Variants in ASB14 observed in about 807,000 individuals in gnomAD.
The protein encoded by ASB14 is ankyrin repeat and SOCS box protein 14.
ASB14 carries 63 observed loss-of-function variants against 55.6 expected under a neutral mutation model. The observed-to-expected ratio is 1.13, with a 90% confidence interval of 0.92 to 1.40. The LOEUF (loss-of-function observed/expected upper bound fraction) is 1.40. Ranked by LOEUF, ASB14 falls within the 40% of genes most tolerant of loss-of-function variation. The pLI is 0.00. For missense variants in ASB14, 724 were observed against 710.4 expected (o/e 1.02, Z -0.22); for synonymous variants, 256 against 259.9 (o/e 0.98, Z 0.15).
intron 10 of ASB14, 49 bp downstream of exon 10, chr3:57,276,479 T>C (rs900245530): frequency 2.9e-6 from 4 of 1,380,336 alleles, no homozygotes; most frequent in East Asian, 2.3e-5. Context: ...GCAAAAAATA[T>C]GAATCATACA....
chr3:57,290,119 T>C (rs1411986545), intron 2 of ASB14, among the ~76,000 whole-genome samples: 1 of 152,240 alleles, frequency 6.6e-6, no homozygotes, highest in Non-Finnish European at 1.5e-5. Flanking sequence ...ACCACACACT[T>C]AGTGGCTTAA....
chr3:57,276,767 CT>C (rs769507211), intron 9 of ASB14, 39 bp from the exon 10 acceptor site: 388 of 1,544,514 alleles, frequency 2.5e-4, no homozygotes, highest in Admixed American at 6.1e-4. Context: ...AGAAAAAGAA[CT>C]TTTTTTTTAG....
intron 5 of ASB14, among the ~76,000 whole-genome samples, chr3:57,284,090 G>GTA (rs2061060628): frequency 9.3e-6 from 1 of 107,938 alleles, no homozygotes; most frequent in Non-Finnish European, 2.0e-5. Flanking sequence ...TGGGAACACT[G>GTA]TGTATGTGTG....
At chr3:57,274,686 C>T (rs1266386709) in intron 10 of ASB14, among the ~76,000 whole-genome samples, 1 of 152,028 alleles carries the variant, frequency 6.6e-6, no homozygotes, top group Admixed American at 6.6e-5. Flanking sequence ...GACTCCATCT[C>T]AGAAAAAGGA....
intron 3 of ASB14, among the ~76,000 whole-genome samples, chr3:57,288,611 C>G (rs1334532586): frequency 6.6e-6 from 1 of 151,884 alleles, no homozygotes; most frequent in Non-Finnish European, 1.5e-5. Flanking sequence ...AGCTGTGGAC[C>G]CCTGTAGTGT....
chr3:57,281,628 G>T (rs2061041371), intron 6 of ASB14, among the ~76,000 whole-genome samples: 1 of 152,078 alleles, frequency 6.6e-6, no homozygotes, highest in South Asian at 2.1e-4. Flanking sequence ...ACTATGTGCT[G>T]GTTCCATTAT....
At chr3:57,285,223 G>A (rs2061072304) in intron 5 of ASB14, among the ~76,000 whole-genome samples, 1 of 152,062 alleles carries the variant, frequency 6.6e-6, no homozygotes, top group Admixed American at 6.5e-5. Context: ...TTACAGGTGT[G>A]AACTACCGTG....
intron 9 of ASB14, among the ~76,000 whole-genome samples, chr3:57,277,252 G>GTC (rs71088048): frequency 7.4e-6 from 1 of 135,354 alleles, no homozygotes; most frequent in Non-Finnish European, 1.5e-5. Context: ...GGTTGACACA[G>GTC]ACTCTGTCTC....
Position 57,291,945 on chromosome 3 carries a change from G to C in ASB14, c.89C>G (p.Pro30Arg), listed in dbSNP as rs1281870053. The part of the protein sequence containing the change: ...IQQSLQDIYK[P>R]GTAQHAPKDE... ...CTTAGGTGCATGTTGTGCTGTTCCTGGCTTATAAATATCCTGCAAACTCTG... is the reference window on the plus strand; with the variant it reads ...CTTAGGTGCATGTTGTGCTGTTCCTCGCTTATAAATATCCTGCAAACTCTG... The change falls in exon 2 of 11, where the codon CCA (proline) becomes CGA (arginine). Residue 30 changes from proline (P) to arginine (R), a missense_variant. Coordinates refer to ENST00000487349, the MANE Select transcript of ASB14 (RefSeq NM_001142733.3). The C allele has an allele frequency of 6.5e-7, 1 of 1,536,530 alleles. No individual in the cohort carries two copies. The highest frequency in any genetic ancestry group is 1.2e-5 in the South Asian group (1 of 84,024).
chr3:57,291,709 A>G (rs923646132), intron 2 of ASB14, among the ~76,000 whole-genome samples: 1 of 152,150 alleles, frequency 6.6e-6, no homozygotes, highest in African/African-American at 2.4e-5. Flanking sequence ...CCTCCTTCAG[A>G]TATTTTTATT....
At chr3:57,291,030 C>T (rs1177847293) in intron 2 of ASB14, among the ~76,000 whole-genome samples, 1 of 150,196 alleles carries the variant, frequency 6.7e-6, no homozygotes, top group Non-Finnish European at 1.5e-5. Flanking sequence ...TTCCTCCTCT[C>T]TAAGTAGGGA....
At chr3:57,275,350 G>A (rs1237646417) in intron 10 of ASB14, among the ~76,000 whole-genome samples, 2 of 151,762 alleles carry the variant, frequency 1.3e-5, no homozygotes, top group Non-Finnish European at 2.9e-5. Flanking sequence ...TACTCGGGAG[G>A]CTGAGGCACA....
intron 6 of ASB14, 51 bp downstream of exon 6, chr3:57,283,143 C>G (rs1264184343): frequency 6.5e-7 from 1 of 1,542,356 alleles, no homozygotes; most frequent in Admixed American, 2.0e-5. Context: ...GAGGAGAACC[C>G]CTGGATCATG....
intron 5 of ASB14, among the ~76,000 whole-genome samples, chr3:57,287,097 T>C (rs1252211395): frequency 6.6e-6 from 1 of 152,246 alleles, no homozygotes; most frequent in Admixed American, 6.5e-5. Flanking sequence ...TTAGTTTTCC[T>C]AAATAATCTT....
rs142264286 is a variant in ASB14 at position 57,274,674 on chromosome 3, G to A, written c.*22+1854C>T. On this transcript the variant is annotated intron_variant, in intron 10 of 10. Coordinates refer to ENST00000487349, the MANE Select transcript of ASB14 (RefSeq NM_001142733.3). ...CACACTCCAGCCTGGGTGACAGGGC[G>A]AGACTCCATCTCAGAAAAAGGAACC... Among the ~76,000 whole-genome samples the A allele has an allele frequency of 4.5e-4, 68 of 152,126 alleles. 1 individual carries two copies. In the East Asian group the frequency reaches 0.012, roughly 27 times the overall value.
At chr3:57,281,830 C>G (rs2061043062) in intron 6 of ASB14, among the ~76,000 whole-genome samples, 1 of 152,150 alleles carries the variant, frequency 6.6e-6, no homozygotes, top group African/African-American at 2.4e-5. Flanking sequence ...TGTTGCCACT[C>G]TAGCAATGCA....
chr3:57,285,563 A>G (rs1579433826), intron 5 of ASB14, among the ~76,000 whole-genome samples: 1 of 152,124 alleles, frequency 6.6e-6, no homozygotes, highest in Admixed American at 6.5e-5. Context: ...TAAATATTTA[A>G]TATTTACCTT....
In ASB14 at chr3:57,291,937, C is replaced by A; in HGVS notation, c.97G>T (p.Ala33Ser). 6.5e-7 allele frequency: 1 copy of A among 1,536,376 alleles called. No individual in the cohort carries two copies. Among genetic ancestry groups the A allele is most frequent in the East Asian group, 2.4e-5 (1 of 40,864 alleles). The change falls in exon 2 of 11, where the codon GCA becomes TCA. Residue 33 changes from alanine (A) to serine (S), a missense_variant. Transcript: ENST00000487349. Reference sequence around the variant, plus strand: ...CTCTCATCCTTAGGTGCATGTTGTGCTGTTCCTGGCTTATAAATATCCTGC... The same window carrying A: ...CTCTCATCCTTAGGTGCATGTTGTGATGTTCCTGGCTTATAAATATCCTGC... ...SLQDIYKPGTAQHAPKDESLH... is the reference protein window; with the variant it reads ...SLQDIYKPGTSQHAPKDESLH...
intron 5 of ASB14, among the ~76,000 whole-genome samples, chr3:57,284,345 G>T (rs1057119420): frequency 6.6e-6 from 1 of 152,042 alleles, no homozygotes; most frequent in South Asian, 2.1e-4. Context: ...GCCCAGGCTG[G>T]TCTTAAACCC....
Sources: allele counts gnomAD v4.1 joint callset (sites outside exome capture counted in the v4.1 genomes callset), GRCh38; gene constraint gnomAD v4.1.1; transcripts MANE v1.5; gene names NCBI Gene and HGNC (gene_info 2026-07-23, HGNC 2026-07-21).